DLG2: variants seen among roughly 807,000 people sequenced by gnomAD.
DLG2 encodes discs large MAGUK scaffold protein 2, also known as disks large homolog 2.
Under a neutral mutation model 132.5 loss-of-function variants are expected in DLG2, and 45 were observed. The ratio of observed to expected loss-of-function variants is 0.34; its 90% CI spans 0.27 to 0.44. The LOEUF (loss-of-function observed/expected upper bound fraction) is 0.44, where lower values mean the gene tolerates loss of function less well. DLG2 is among the 20% of genes least tolerant of loss of function. The pLI is 1.00. For synonymous variants in DLG2, 424 were observed against 419.6 expected, an observed-to-expected ratio of 1.01 and a Z score of -0.13; for missense variants, 1,045 against 1,196.9, an observed-to-expected ratio of 0.87 and a Z score of 1.87.
At chr11:84,113,575 C>T (rs900666841) in intron 9 of DLG2, among the ~76,000 whole-genome samples, 2 of 152,132 alleles carry the variant, frequency 1.3e-5, no homozygotes, top group African/African-American at 4.8e-5. Flanking sequence ...CACCAATGAG[C>T]TGACAAGCTT....
chr11:84,646,037 T>C (rs1176978928), intron 6 of DLG2, among the ~76,000 whole-genome samples: 1 of 152,018 alleles, frequency 6.6e-6, no homozygotes, highest in East Asian at 1.9e-4. Flanking sequence ...AGCTCTGAAA[T>C]ATCTAAAGCT....
chr11:84,186,055 T>G (rs2096270488), intron 8 of DLG2, among the ~76,000 whole-genome samples: 1 of 152,186 alleles, frequency 6.6e-6, no homozygotes, highest in Non-Finnish European at 1.5e-5. Context: ...AGTTACCTTC[T>G]ATATGACAAG....
chr11:84,776,575 C>A (rs537842991), intron 6 of DLG2, among the ~76,000 whole-genome samples: 1 of 152,280 alleles, frequency 6.6e-6, no homozygotes, highest in Admixed American at 6.5e-5. Flanking sequence ...CTCTCCCAAT[C>A]CATATGTCCT....
intron 6 of DLG2, among the ~76,000 whole-genome samples, chr11:84,900,936 TTTA>T (rs2090807520): frequency 1.3e-5 from 2 of 152,084 alleles, no homozygotes; most frequent in Admixed American, 1.3e-4. Context: ...ATTATAAGAA[TTTA>T]TTATAATTCT....
intron 7 of DLG2, among the ~76,000 whole-genome samples, chr11:84,495,837 G>T (rs770538103): frequency 6.6e-6 from 1 of 152,134 alleles, no homozygotes; most frequent in Non-Finnish European, 1.5e-5. Flanking sequence ...GGTGATCCAC[G>T]TATGTTTGAA....
intron 3 of DLG2, among the ~76,000 whole-genome samples, chr11:85,396,185 CTGTT>C (rs1308186292): frequency 1.3e-5 from 2 of 152,130 alleles, no homozygotes; most frequent in Non-Finnish European, 2.9e-5. Flanking sequence ...AGGGGTCTGA[CTGTT>C]TGTTAGAAGG....
chr11:83,525,342 G>A (rs1481362419), intron 21 of DLG2, among the ~76,000 whole-genome samples: 1 of 152,176 alleles, frequency 6.6e-6, no homozygotes, highest in East Asian at 1.9e-4. Flanking sequence ...GGAACTCAAG[G>A]TTTGGATAGA....
intron 6 of DLG2, among the ~76,000 whole-genome samples, chr11:84,859,294 C>T (rs559064157): frequency 6.9e-6 from 1 of 145,854 alleles, no homozygotes; most frequent in Non-Finnish European, 1.5e-5. Flanking sequence ...ATGTACATTT[C>T]ATAAACATAT....
chr11:85,069,651 T>C (rs2065495413), intron 6 of DLG2, among the ~76,000 whole-genome samples: 1 of 151,952 alleles, frequency 6.6e-6, no homozygotes. Flanking sequence ...ATTCAGGAAA[T>C]AACAGATGCT....
chr11:85,258,542 C>T (rs540492928), intron 4 of DLG2, among the ~76,000 whole-genome samples: 1 of 152,256 alleles, frequency 6.6e-6, no homozygotes, highest in Admixed American at 6.5e-5. Context: ...CATTTCAATA[C>T]ACCTTTACTG....
At chr11:83,873,971 G>T (rs2064010238) in intron 16 of DLG2, among the ~76,000 whole-genome samples, 1 of 152,088 alleles carries the variant, frequency 6.6e-6, no homozygotes, top group Admixed American at 6.6e-5. Flanking sequence ...ATTTGTACTA[G>T]ACAATGAAGC....
At chr11:84,089,108 G>T (rs560179183) in intron 10 of DLG2, among the ~76,000 whole-genome samples, 2 of 152,234 alleles carry the variant, frequency 1.3e-5, no homozygotes, top group African/African-American at 4.8e-5. Context: ...ACTCATGACA[G>T]TTCAGTATGG....
intron 6 of DLG2, among the ~76,000 whole-genome samples, chr11:85,070,439 G>A (rs995032697): frequency 5.9e-5 from 9 of 151,654 alleles, no homozygotes; most frequent in Admixed American, 4.6e-4. Flanking sequence ...GAAAGAAACC[G>A]TGTGGAGAAA....
At chr11:84,043,092 C>A (rs1045002776) in intron 11 of DLG2, among the ~76,000 whole-genome samples, 1 of 149,858 alleles carries the variant, frequency 6.7e-6, no homozygotes, top group Non-Finnish European at 1.5e-5. Context: ...TTATTTATTG[C>A]CTAAATAAAT....
At position 85,133,632 on chromosome 11, in the gene DLG2, G is replaced by A. The variant is rs79275705; in HGVS notation, c.282+20924C>T. On this transcript the variant is annotated intron_variant, in intron 5 of 27. Transcript: ENST00000376104. ...ACATATGCAAATACACAAACAACCT[G>A]AACATATAAATGAATATTATGAAAT... Among the ~76,000 whole-genome samples, 1,441 of 152,226 alleles carry A rather than the reference G, an allele frequency of 9.5e-3. 20 individuals carry two copies. The highest frequency in any genetic ancestry group is 0.031 in the African/African-American group (1,303 of 41,538).
At chr11:85,417,233 T>G (rs181629747) in intron 3 of DLG2, among the ~76,000 whole-genome samples, 15 of 152,212 alleles carry the variant, frequency 9.9e-5, no homozygotes, top group Admixed American at 2.6e-4. Context: ...TCTGTTTATG[T>G]GATTAATAAC....
chr11:84,292,655 A>G (rs2154376474), intron 7 of DLG2, among the ~76,000 whole-genome samples: 1 of 152,294 alleles, frequency 6.6e-6, no homozygotes. Context: ...TGACCTTAAC[A>G]TAAAAAAGAC....
chr11:85,610,828 A>C (rs939879816), intron 2 of DLG2, among the ~76,000 whole-genome samples: 1 of 152,250 alleles, frequency 6.6e-6, no homozygotes, highest in Non-Finnish European at 1.5e-5. Context: ...ATACTGGCTT[A>C]TCATCACCCT....
At chr11:83,876,086 T>G (rs1302370452) in intron 15 of DLG2, among the ~76,000 whole-genome samples, 1 of 152,188 alleles carries the variant, frequency 6.6e-6, no homozygotes, top group Non-Finnish European at 1.5e-5. Context: ...ACTGCCTGGC[T>G]CAACCACATA....
Sources: allele counts gnomAD v4.1 joint callset (sites outside exome capture counted in the v4.1 genomes callset), GRCh38; gene constraint gnomAD v4.1.1; transcripts MANE v1.5; gene names NCBI Gene and HGNC (gene_info 2026-07-23, HGNC 2026-07-21).